Variants in ROBO2 observed in about 807,000 individuals in gnomAD.
The protein encoded by ROBO2 is roundabout homolog 2.
ROBO2 carries 53 observed loss-of-function variants against 160.8 expected under a neutral mutation model. The ratio of observed to expected loss-of-function variants is 0.33; its 90% CI spans 0.26 to 0.41. The LOEUF (loss-of-function observed/expected upper bound fraction) is 0.41, where lower values mean the gene tolerates loss of function less well. ROBO2 is among the 10% of genes least tolerant of loss of function. ROBO2 has a pLI of 1.00. For missense variants in ROBO2, 1,577 were observed against 1,722.4 expected (o/e 0.92, Z 1.49); for synonymous variants, 664 against 611.7 (o/e 1.09, Z -1.26).
At chr3:76,917,767 T>C (rs1036763014) in intron 2 of ROBO2, among the ~76,000 whole-genome samples, 6 of 150,948 alleles carry the variant, frequency 4.0e-5, no homozygotes, top group African/African-American at 1.5e-4. Flanking sequence ...TCTAAGATCT[T>C]AAGCTCAGAG....
chr3:77,222,831 C>T (rs988062461), intron 2 of ROBO2, among the ~76,000 whole-genome samples: 7 of 152,126 alleles, frequency 4.6e-5, no homozygotes, highest in Admixed American at 6.6e-5. Context: ...ATTTCATTTT[C>T]GTTTCCTAAA....
intron 2 of ROBO2, among the ~76,000 whole-genome samples, chr3:76,620,696 C>A (rs540808111): frequency 6.6e-6 from 1 of 152,198 alleles, no homozygotes; most frequent in African/African-American, 2.4e-5. Flanking sequence ...ATAGCTATTT[C>A]TATACATTAT....
intron 2 of ROBO2, among the ~76,000 whole-genome samples, chr3:76,502,325 A>C (rs764327044): frequency 2.0e-5 from 3 of 152,146 alleles, no homozygotes; most frequent in Admixed American, 6.5e-5. Flanking sequence ...CTGTTATGTC[A>C]CCCAATCCTG....
intron 2 of ROBO2, among the ~76,000 whole-genome samples, chr3:76,552,247 T>G (rs756500132): frequency 6.6e-6 from 1 of 152,240 alleles, no homozygotes; most frequent in Non-Finnish European, 1.5e-5. Flanking sequence ...ATCAGCAACT[T>G]GAGCATCCCA....
upstream of ROBO2, among the ~76,000 whole-genome samples, chr3:77,039,235 C>A (rs925463966): frequency 6.6e-6 from 1 of 152,224 alleles, no homozygotes; most frequent in Non-Finnish European, 1.5e-5. Flanking sequence ...AGCATCTACA[C>A]ACAACCTTTC....
chr3:77,008,241 T>A (rs1280139451), intron 2 of ROBO2, among the ~76,000 whole-genome samples: 1 of 152,108 alleles, frequency 6.6e-6, no homozygotes, highest in Non-Finnish European at 1.5e-5. Flanking sequence ...AAATTAAATG[T>A]GGTCTGTGTA....
chr3:77,157,610 G>A (rs1375014680), intron 2 of ROBO2, among the ~76,000 whole-genome samples: 1 of 152,030 alleles, frequency 6.6e-6, no homozygotes, highest in Admixed American at 6.6e-5. Flanking sequence ...TTAGCAATTA[G>A]TAATATGTGA....
intron 2 of ROBO2, among the ~76,000 whole-genome samples, chr3:77,115,292 A>G (rs1356614124): frequency 6.6e-6 from 1 of 152,194 alleles, no homozygotes; most frequent in Non-Finnish European, 1.5e-5. Flanking sequence ...TATTTTTCAA[A>G]GAATATTTAG....
At chr3:77,371,338 C>T (rs761738695) in intron 2 of ROBO2, among the ~76,000 whole-genome samples, 2 of 152,182 alleles carry the variant, frequency 1.3e-5, no homozygotes, top group African/African-American at 2.4e-5. Context: ...AAAATCTCTA[C>T]ATTCAAAGTC....
intron 17 of ROBO2, among the ~76,000 whole-genome samples, chr3:77,592,672 C>T (rs955338535): frequency 1.3e-5 from 2 of 152,158 alleles, no homozygotes; most frequent in Non-Finnish European, 2.9e-5. Context: ...CTACCTCAGC[C>T]TCCCGAATAG....
At chr3:77,626,589 T>C (rs1479445775) in intron 23 of ROBO2, among the ~76,000 whole-genome samples, 2 of 152,170 alleles carry the variant, frequency 1.3e-5, no homozygotes. Context: ...AGGGCTACAA[T>C]ACTTCTTTCT....
intron 2 of ROBO2, among the ~76,000 whole-genome samples, chr3:76,336,147 C>T (rs1389596758): frequency 6.6e-6 from 1 of 152,146 alleles, no homozygotes; most frequent in Admixed American, 6.5e-5. Context: ...TATTGATATA[C>T]AGTGACCTAA....
chr3:77,028,965 G>A (rs950023871), intron 2 of ROBO2, among the ~76,000 whole-genome samples: 27 of 152,162 alleles, frequency 1.8e-4, no homozygotes, highest in Admixed American at 1.0e-3. Flanking sequence ...CTGAGTATGC[G>A]TAGTCTAATT....
At chr3:77,137,673 C>T (rs1175964500) in intron 2 of ROBO2, among the ~76,000 whole-genome samples, 2 of 152,224 alleles carry the variant, frequency 1.3e-5, no homozygotes, top group Non-Finnish European at 2.9e-5. Context: ...CTCCTGTTAT[C>T]CAGGGGAGTC....
intron 2 of ROBO2, among the ~76,000 whole-genome samples, chr3:76,968,580 G>A (rs568744615): frequency 2.6e-5 from 4 of 152,220 alleles, no homozygotes; most frequent in Admixed American, 1.3e-4. Context: ...CAATGATTAA[G>A]TCAATGGTTC....
intron 2 of ROBO2, among the ~76,000 whole-genome samples, chr3:76,125,779 T>C (rs1428683607): frequency 1.3e-5 from 2 of 152,118 alleles, no homozygotes; most frequent in East Asian, 1.9e-4. Flanking sequence ...AACTAAATGG[T>C]TTATCACAAA....
intron 2 of ROBO2, among the ~76,000 whole-genome samples, chr3:76,200,946 T>A (rs888985635): frequency 6.6e-6 from 1 of 152,206 alleles, no homozygotes; most frequent in East Asian, 1.9e-4. Context: ...GATTTATTGA[T>A]GTTTTTTCCT....
chr3:77,619,302 A>G (rs1386577638), intron 22 of ROBO2, among the ~76,000 whole-genome samples: 1 of 152,204 alleles, frequency 6.6e-6, no homozygotes, highest in African/African-American at 2.4e-5. Context: ...TCTGATACCA[A>G]GTACAAGTTT....
At chr3:77,296,150 G>C (rs186005506) in intron 2 of ROBO2, among the ~76,000 whole-genome samples, 6 of 151,442 alleles carry the variant, frequency 4.0e-5, no homozygotes, top group Non-Finnish European at 8.8e-5. Context: ...AAGTAAAATT[G>C]ACGGCTAAAC....
Sources: allele counts gnomAD v4.1 joint callset (sites outside exome capture counted in the v4.1 genomes callset), GRCh38; gene constraint gnomAD v4.1.1; transcripts MANE v1.5; gene names NCBI Gene and HGNC (gene_info 2026-07-23, HGNC 2026-07-21).